The following SGMS2 variants were observed in gnomAD, a reference collection of about 807,000 sequenced individuals.
SGMS2 encodes sphingomyelin synthase 2.
SGMS2 carries 21 observed loss-of-function variants against 43.8 expected under a neutral mutation model. The ratio of observed to expected loss-of-function variants is 0.48; its 90% confidence interval spans 0.34 to 0.69. The LOEUF is 0.69. SGMS2 is among the 30% of genes least tolerant of loss of function. The probability of loss-of-function intolerance (pLI) is 0.01; values close to 1 mark genes in which losing one functional copy is unlikely to be tolerated. For missense variants in SGMS2, 384 were observed against 443.2 expected, an observed-to-expected ratio of 0.87 and a Z score of 1.20; for synonymous variants, 167 against 160.6, an observed-to-expected ratio of 1.04 and a Z score of -0.30.
chr4:107,883,395 A>T (rs1351959701), intron 2 of SGMS2, among the ~76,000 whole-genome samples: 1 of 152,120 alleles, frequency 6.6e-6, no homozygotes, highest in Non-Finnish European at 1.5e-5. Context: ...GCTCACTGCA[A>T]CCTCTGCCTC....
chr4:107,859,579 GA>G (rs1239384537), intron 2 of SGMS2, among the ~76,000 whole-genome samples: 4 of 152,080 alleles, frequency 2.6e-5, no homozygotes, highest in African/African-American at 9.7e-5. Flanking sequence ...GCTGAGTGAA[GA>G]AAAGAATTCA....
chr4:107,855,013 A>AT (rs1727344223), intron 1 of SGMS2, among the ~76,000 whole-genome samples: 1 of 151,856 alleles, frequency 6.6e-6, no homozygotes, highest in Non-Finnish European at 1.5e-5. Context: ...AGTTTGGAAA[A>AT]TTTTTTCCCC....
chr4:107,873,811 C>G (rs1462866188), intron 2 of SGMS2, among the ~76,000 whole-genome samples: 1 of 152,056 alleles, frequency 6.6e-6, no homozygotes, highest in African/African-American at 2.4e-5. Context: ...GGATTTTCAT[C>G]CAAATACTCA....
At chr4:107,886,728 G>A (rs193201215) in intron 2 of SGMS2, 3 of 152,152 alleles carry the variant, frequency 2.0e-5, no homozygotes, top group East Asian at 3.9e-4. Flanking sequence ...TTTCCCAAGA[G>A]GCTTTTATTG....
At chr4:107,882,364 A>G (rs1469976939) in intron 2 of SGMS2, among the ~76,000 whole-genome samples, 2 of 152,170 alleles carry the variant, frequency 1.3e-5, no homozygotes, top group Non-Finnish European at 2.9e-5. Context: ...ATGATCATTG[A>G]TGTTAAGCAC....
At chr4:107,868,853 C>T (rs1004240805) in intron 2 of SGMS2, among the ~76,000 whole-genome samples, 1 of 151,942 alleles carries the variant, frequency 6.6e-6, no homozygotes, top group African/African-American at 2.4e-5. Flanking sequence ...CCTTTAGCAC[C>T]CCTGGATATT....
At chr4:107,887,451 T>G (rs1189823069) in intron 2 of SGMS2, among the ~76,000 whole-genome samples, 1 of 152,216 alleles carries the variant, frequency 6.6e-6, no homozygotes, top group African/African-American at 2.4e-5. Flanking sequence ...CCCATAATTT[T>G]AGAACACATA....
chr4:107,848,335 G>T (rs1344047713), intron 1 of SGMS2, among the ~76,000 whole-genome samples: 1 of 152,122 alleles, frequency 6.6e-6, no homozygotes, highest in Non-Finnish European at 1.5e-5. Context: ...GGACCTCTAG[G>T]TTGTCTCCAG....
chr4:107,826,082 A>T (rs1714146357), intron 1 of SGMS2, among the ~76,000 whole-genome samples: 1 of 152,202 alleles, frequency 6.6e-6, no homozygotes, highest in South Asian at 2.1e-4. Context: ...GCTCAGGCAC[A>T]TTAAACATTC....
chr4:107,878,362 A>G (rs1260225670), intron 2 of SGMS2, among the ~76,000 whole-genome samples: 2 of 152,186 alleles, frequency 1.3e-5, no homozygotes, highest in Non-Finnish European at 2.9e-5. Context: ...AGCATAAACC[A>G]TCATTTGGGA....
At chr4:107,904,666 C>T (rs544274272) in intron 5 of SGMS2, among the ~76,000 whole-genome samples, 1 of 152,138 alleles carries the variant, frequency 6.6e-6, no homozygotes, top group South Asian at 2.1e-4. Context: ...AAGCTTTTTC[C>T]TTATTTCTGT....
At chr4:107,853,978 T>C (rs1727290185) in intron 1 of SGMS2, among the ~76,000 whole-genome samples, 1 of 152,234 alleles carries the variant, frequency 6.6e-6, no homozygotes, top group Non-Finnish European at 1.5e-5. Context: ...TTAGTGTACG[T>C]GAACCGCAAG....
At chr4:107,858,097 A>T (rs542398380) in intron 1 of SGMS2, among the ~76,000 whole-genome samples, 1 of 151,248 alleles carries the variant, frequency 6.6e-6, no homozygotes, top group African/African-American at 2.4e-5. Flanking sequence ...CGACCACATC[A>T]GCCTTGCCCT....
chr4:107,853,574 A>T (rs1044817032), intron 1 of SGMS2, among the ~76,000 whole-genome samples: 1 of 152,168 alleles, frequency 6.6e-6, no homozygotes, highest in South Asian at 2.1e-4. Context: ...CCCTCCCCTT[A>T]TAAGATTACT....
rs1219735907 is a variant in SGMS2 at position 107,914,864 on chromosome 4, ATGT to A, written c.*4315_*4317del. The A allele has an allele frequency of 6.6e-6, 1 of 152,134 alleles. No individual in the cohort carries two copies. Among genetic ancestry groups the A allele is most frequent in the Non-Finnish European group, 1.5e-5 (1 of 68,004 alleles). The allele number at this position is 152,134 out of a possible 1,614,324, so 9.4% of individuals were successfully genotyped here. On this transcript the variant is annotated 3_prime_UTR_variant, in exon 7 of 7. Coordinates refer to ENST00000690982, the MANE Select transcript of SGMS2 (RefSeq NM_001375905.1). ...TGTAACTATAGTTTATACTTCTATA[ATGT>A]TGTCTTACATTTACATTTTTAAGTG...
chr4:107,864,380 A>T (rs1387189520), intron 2 of SGMS2: 3 of 152,130 alleles, frequency 2.0e-5, no homozygotes, highest in Non-Finnish European at 2.9e-5. Context: ...GAACTTGCAG[A>T]GTCTCTCTCT....
intron 2 of SGMS2, among the ~76,000 whole-genome samples, chr4:107,883,508 GT>G (rs1560658539): frequency 6.6e-6 from 1 of 152,060 alleles, no homozygotes; most frequent in Non-Finnish European, 1.5e-5. Context: ...TAGAGATAGG[GT>G]TTTGCCATGT....
At chr4:107,859,893 T>C (rs1048569234) in intron 2 of SGMS2, among the ~76,000 whole-genome samples, 22 of 152,002 alleles carry the variant, frequency 1.4e-4, no homozygotes, top group African/African-American at 5.1e-4. Context: ...AGAAGTGTGT[T>C]AAAATAATAA....
At chr4:107,902,142 C>T (rs1002158822) in intron 4 of SGMS2, among the ~76,000 whole-genome samples, 2 of 150,406 alleles carry the variant, frequency 1.3e-5, no homozygotes, top group Admixed American at 1.3e-4. Flanking sequence ...TGATCTTGAA[C>T]TCCTGACCTC....
Sources: allele counts gnomAD v4.1 joint callset (sites outside exome capture counted in the v4.1 genomes callset), GRCh38; gene constraint gnomAD v4.1.1; transcripts MANE v1.5; gene names NCBI Gene and HGNC (gene_info 2026-07-23, HGNC 2026-07-21).